ROR1: variants seen among roughly 807,000 people sequenced by gnomAD.
ROR1 encodes the protein inactive tyrosine-protein kinase transmembrane receptor ROR1.
Under a neutral mutation model 78.8 loss-of-function variants are expected in ROR1, and 19 were observed. That is an observed-to-expected ratio of 0.24 (90% CI 0.17 to 0.35). The LOEUF (loss-of-function observed/expected upper bound fraction) is 0.35, where lower values mean the gene tolerates loss of function less well. Among genes scored for constraint, ROR1 ranks in the 10% least tolerant of loss-of-function variants. The probability of loss-of-function intolerance (pLI) is 1.00; values close to 1 mark genes in which losing one functional copy is unlikely to be tolerated. For missense variants in ROR1, 917 were observed against 1,177.8 expected (o/e 0.78, Z 3.24); for synonymous variants, 386 against 433.6 (o/e 0.89, Z 1.36).
chr1:64,113,562 C>A (rs1229439394), intron 4 of ROR1: 1 of 152,144 alleles, frequency 6.6e-6, no homozygotes, highest in Non-Finnish European at 1.5e-5. Context: ...CTCATCATGA[C>A]TTTCTCCCCC....
intron 1 of ROR1, among the ~76,000 whole-genome samples, chr1:63,817,518 T>C (rs985902628): frequency 2.6e-5 from 4 of 152,232 alleles, no homozygotes; most frequent in African/African-American, 9.6e-5. Context: ...TACAAAATGT[T>C]GGCACTGTTT....
chr1:63,945,797 C>T (rs1355930361), intron 1 of ROR1, among the ~76,000 whole-genome samples: 1 of 152,128 alleles, frequency 6.6e-6, no homozygotes, highest in African/African-American at 2.4e-5. Flanking sequence ...GACATATTGT[C>T]AATTGAATTA....
At chr1:63,921,718 GT>G (rs1645656244) in intron 1 of ROR1, among the ~76,000 whole-genome samples, 1 of 152,070 alleles carries the variant, frequency 6.6e-6, no homozygotes, top group African/African-American at 2.4e-5. Flanking sequence ...GGAAACCTGT[GT>G]TCTCATCAGG....
intron 1 of ROR1, among the ~76,000 whole-genome samples, chr1:63,896,310 G>A (rs1645439208): frequency 6.6e-6 from 1 of 152,096 alleles, no homozygotes. Flanking sequence ...TGGATTGTGA[G>A]GATTTTGCTT....
chr1:64,176,000 TA>T lies in ROR1; in HGVS notation c.1387-1424del, dbSNP rs1650367789. Among the ~76,000 whole-genome samples the T allele has an allele frequency of 5.3e-5, 8 of 152,346 alleles. No individual in the cohort carries two copies. In the South Asian group the frequency reaches 1.7e-3, roughly 32 times the overall value. On this transcript the variant is annotated intron_variant, in intron 8 of 8. Transcript: ENST00000371079. ...GATTATTTGAAAAATCAGTTGTATG[TA>T]AAATGCATTGTTTTTATTACTTTCT...
intron 1 of ROR1, among the ~76,000 whole-genome samples, chr1:63,864,722 C>A (rs937239816): frequency 6.6e-6 from 1 of 151,740 alleles, no homozygotes; most frequent in African/African-American, 2.4e-5. Flanking sequence ...TCCTCCCACC[C>A]CTTGGAACTC....
At chr1:64,045,371 G>A (rs564694686) in intron 2 of ROR1, among the ~76,000 whole-genome samples, 7 of 151,986 alleles carry the variant, frequency 4.6e-5, no homozygotes, top group African/African-American at 1.4e-4. Context: ...TTTGGTATAC[G>A]CGTGTGGAAA....
intron 1 of ROR1, among the ~76,000 whole-genome samples, chr1:63,887,502 C>T (rs543665218): frequency 2.0e-5 from 3 of 152,200 alleles, no homozygotes; most frequent in East Asian, 1.9e-4. Flanking sequence ...AGAACATTTG[C>T]GTTATTTCAG....
At chr1:63,872,585 G>C (rs1360283535) in intron 1 of ROR1, among the ~76,000 whole-genome samples, 1 of 152,182 alleles carries the variant, frequency 6.6e-6, no homozygotes, top group African/African-American at 2.4e-5. Flanking sequence ...CCACCAAGTT[G>C]AATTCCTCTC....
At chr1:64,142,277 G>A (rs1193837212) in intron 6 of ROR1, 128 bp from the exon 7 acceptor site, 2 of 1,453,758 alleles carry the variant, frequency 1.4e-6, no homozygotes, top group Non-Finnish European at 1.8e-6. Flanking sequence ...CATGGCCCCT[G>A]ACCAGCAGGG....
chr1:64,065,572 C>G (rs1362301828), intron 4 of ROR1, among the ~76,000 whole-genome samples: 1 of 152,128 alleles, frequency 6.6e-6, no homozygotes, highest in Non-Finnish European at 1.5e-5. Context: ...CACTCTATCT[C>G]CAGGTCTTGA....
chr1:64,021,883 T>C (rs1420697928), intron 2 of ROR1, among the ~76,000 whole-genome samples: 1 of 152,198 alleles, frequency 6.6e-6, no homozygotes, highest in Non-Finnish European at 1.5e-5. Flanking sequence ...ATAAAAATTG[T>C]AAAACTCATA....
At chr1:64,014,294 G>A (rs1440028348) in intron 2 of ROR1, among the ~76,000 whole-genome samples, 1 of 152,082 alleles carries the variant, frequency 6.6e-6, no homozygotes, top group East Asian at 1.9e-4. Context: ...TGTTACATGA[G>A]TCCAGTCACT....
At chr1:64,040,416 T>G (rs894501083) in intron 2 of ROR1, among the ~76,000 whole-genome samples, 4 of 152,206 alleles carry the variant, frequency 2.6e-5, no homozygotes, top group Non-Finnish European at 5.9e-5. Context: ...AAAGTGCACA[T>G]ATGATAAATA....
chr1:63,929,445 T>C (rs181094272), intron 1 of ROR1, among the ~76,000 whole-genome samples: 37 of 152,258 alleles, frequency 2.4e-4, no homozygotes, highest in Middle Eastern at 3.4e-3. Flanking sequence ...CTCTCTCGGT[T>C]GCTTTCATAA....
intron 1 of ROR1, chr1:63,789,160 G>A: frequency 1.7e-6 from 1 of 595,078 alleles, no homozygotes; most frequent in Non-Finnish European, 3.2e-6. Flanking sequence ...CGGATCATCA[G>A]CCCATCTTTG....
At chr1:64,031,771 A>G (rs1349698604) in intron 2 of ROR1, among the ~76,000 whole-genome samples, 1 of 152,200 alleles carries the variant, frequency 6.6e-6, no homozygotes, top group African/African-American at 2.4e-5. Context: ...TGTCTTCTAA[A>G]TTCAGATGGT....
In ROR1 at chr1:63,984,343, C is replaced by T. The variant is rs556849303; in HGVS notation, c.92-24962C>T. The stretch of plus-strand genomic sequence containing the variant: ...CAGAGCACTGGTGCCTGTATACTGC[C>T]CTCCCCCAATAAAATATTTGTCTCC... On this transcript the variant is annotated intron_variant, in intron 1 of 8. Transcript: ENST00000371079. Among the ~76,000 whole-genome samples the T allele has an allele frequency of 4.7e-3, 715 of 152,146 alleles. 4 individuals carry two copies. The highest frequency in any genetic ancestry group is 8.2e-3 in the Non-Finnish European group (561 of 68,012).
chr1:63,872,176 T>C (rs2100360771), intron 1 of ROR1, among the ~76,000 whole-genome samples: 1 of 152,324 alleles, frequency 6.6e-6, no homozygotes, highest in African/African-American at 2.4e-5. Context: ...TCTACAGTAG[T>C]TCCCATTAGT....
Sources: allele counts gnomAD v4.1 joint callset (sites outside exome capture counted in the v4.1 genomes callset), GRCh38; gene constraint gnomAD v4.1.1; transcripts MANE v1.5; gene names NCBI Gene and HGNC (gene_info 2026-07-23, HGNC 2026-07-21).